Variants in CNTN5 observed in about 807,000 individuals in gnomAD.
CNTN5 encodes contactin-5.
Under a neutral mutation model 129.1 loss-of-function variants are expected in CNTN5, and 77 were observed. The ratio of observed to expected loss-of-function variants is 0.60; its 90% CI spans 0.50 to 0.72. The LOEUF is 0.72. Ranked by LOEUF, CNTN5 falls within the 30% of genes least tolerant of loss-of-function variation. The pLI, the probability that CNTN5 is intolerant of heterozygous loss-of-function variation, is 0.00. For missense variants in CNTN5, 1,478 were observed against 1,328.8 expected (o/e 1.11, Z -1.75); for synonymous variants, 509 against 465.6 (o/e 1.09, Z -1.20).
intron 21 of CNTN5, among the ~76,000 whole-genome samples, chr11:100,320,557 T>G (rs1036069605): frequency 2.0e-5 from 3 of 152,176 alleles, no homozygotes; most frequent in African/African-American, 7.2e-5. Context: ...GTAATCCCAT[T>G]TGGTTTTTTT....
intron 6 of CNTN5, among the ~76,000 whole-genome samples, chr11:99,862,746 G>C (rs1056848911): frequency 1.3e-5 from 2 of 152,042 alleles, no homozygotes; most frequent in African/African-American, 4.8e-5. Flanking sequence ...AAGGATCTTA[G>C]TAAGAGAAAA....
At chr11:99,232,056 G>C (rs1861027593) in intron 1 of CNTN5, among the ~76,000 whole-genome samples, 1 of 152,126 alleles carries the variant, frequency 6.6e-6, no homozygotes, top group Non-Finnish European at 1.5e-5. Context: ...CTGTAGCCTT[G>C]TAGTATAGTT....
intron 13 of CNTN5, among the ~76,000 whole-genome samples, chr11:100,107,871 T>C (rs1424441049): frequency 2.0e-5 from 3 of 152,122 alleles, no homozygotes; most frequent in Non-Finnish European, 2.9e-5. Flanking sequence ...CATGTGTGTG[T>C]GCTTAATATC....
intron 10 of CNTN5, among the ~76,000 whole-genome samples, chr11:100,068,345 C>T (rs574678799): frequency 1.8e-4 from 27 of 152,238 alleles, no homozygotes; most frequent in Admixed American, 1.2e-3. Flanking sequence ...GCACATGACT[C>T]TTCTTTGAGG....
At chr11:99,920,246 C>T (rs574805988) in intron 7 of CNTN5, among the ~76,000 whole-genome samples, 36 of 152,242 alleles carry the variant, frequency 2.4e-4, no homozygotes, top group Non-Finnish European at 4.3e-4. Context: ...ACTCTTTCTT[C>T]TTAATCTCCT....
intron 2 of CNTN5, among the ~76,000 whole-genome samples, chr11:99,389,455 A>G (rs1206031299): frequency 6.6e-6 from 1 of 152,220 alleles, no homozygotes; most frequent in East Asian, 1.9e-4. Flanking sequence ...ATAATAGCTC[A>G]AAAGGAGCCT....
intron 13 of CNTN5, among the ~76,000 whole-genome samples, chr11:100,174,359 G>T (rs1947902964): frequency 6.6e-6 from 1 of 152,014 alleles, no homozygotes; most frequent in African/African-American, 2.4e-5. Context: ...TCCTTCTCTG[G>T]GCATAGTAAT....
At chr11:99,961,062 G>A (rs541160371) in intron 8 of CNTN5, among the ~76,000 whole-genome samples, 168 of 151,896 alleles carry the variant, frequency 1.1e-3, no homozygotes, top group South Asian at 5.4e-3. Flanking sequence ...AAAATTAGCC[G>A]GGCATGGTGG....
chr11:99,816,577 T>C (rs1349833626), intron 3 of CNTN5, among the ~76,000 whole-genome samples: 2 of 152,188 alleles, frequency 1.3e-5, no homozygotes, highest in Non-Finnish European at 2.9e-5. Context: ...CCAATAATCT[T>C]ATTTACTATT....
At chr11:100,336,965 G>C (rs1275596991) in intron 21 of CNTN5, 2 of 723,436 alleles carry the variant, frequency 2.8e-6, no homozygotes, top group African/African-American at 3.5e-5. Context: ...AGGCAGAAAA[G>C]AAATCAAGAG....
At chr11:100,234,014 A>G (rs1949549987) in intron 16 of CNTN5, among the ~76,000 whole-genome samples, 1 of 152,204 alleles carries the variant, frequency 6.6e-6, no homozygotes, top group African/African-American at 2.4e-5. Context: ...TCAAAAGAAG[A>G]TATTTATGCA....
chr11:99,685,312 C>A (rs113062488), intron 3 of CNTN5, among the ~76,000 whole-genome samples: 2 of 151,818 alleles, frequency 1.3e-5, no homozygotes, highest in African/African-American at 4.8e-5. Flanking sequence ...AATGTGTTTA[C>A]TATTACAATT....
At chr11:99,940,953 G>A (rs959755530) in intron 7 of CNTN5, among the ~76,000 whole-genome samples, 2 of 152,048 alleles carry the variant, frequency 1.3e-5, no homozygotes, top group African/African-American at 2.4e-5. Context: ...AGGATGGCAT[G>A]TTTTGTATTA....
chr11:99,705,111 C>A (rs1954697917), intron 3 of CNTN5, among the ~76,000 whole-genome samples: 1 of 151,370 alleles, frequency 6.6e-6, no homozygotes. Flanking sequence ...GCCCACTTTA[C>A]AGCTGTCACC....
rs539001478 is a variant in CNTN5 at position 99,594,449 on chromosome 11, G to A, written c.55+38180G>A. ...TCTGTTTCTTTGCGTTTAGACCATT[G>A]TGTAAGCTCAATTCATAGCATGCAG... On this transcript the variant is annotated intron_variant, in intron 3 of 24. Transcript: ENST00000524871. Among the ~76,000 whole-genome samples the A allele has an allele frequency of 1.8e-4, 27 of 152,286 alleles. No individual in the cohort carries two copies. In the East Asian group the frequency reaches 4.6e-3, roughly 26 times the overall value.
rs771891445 is a variant in CNTN5 at position 99,437,548 on chromosome 11, C to T, written c.-71+112064C>T. On this transcript the variant is annotated intron_variant, in intron 2 of 24. Coordinates refer to ENST00000524871, the MANE Select transcript of CNTN5 (RefSeq NM_014361.4). ...ATATATTAAAAGTGATTAATTTGGG[C>T]TGGGTGTTGCGGCTCATGCCTGTAA... 2.4e-4 allele frequency among the ~76,000 whole-genome samples: 36 copies of T among 152,290 alleles called. No homozygotes were observed. In the Middle Eastern group the frequency reaches 0.017, roughly 72 times the overall value.
intron 6 of CNTN5, among the ~76,000 whole-genome samples, chr11:99,871,836 A>C (rs975720006): frequency 1.3e-5 from 2 of 152,068 alleles, no homozygotes; most frequent in African/African-American, 4.8e-5. Context: ...TGAAATTATT[A>C]GTTTGGTTGG....
intron 1 of CNTN5, among the ~76,000 whole-genome samples, chr11:99,309,467 T>A (rs1307995106): frequency 1.3e-5 from 2 of 152,232 alleles, no homozygotes; most frequent in Admixed American, 1.3e-4. Context: ...AACAAAAGAC[T>A]CTTGATTCTT....
chr11:99,512,858 G>A (rs917539947), intron 2 of CNTN5, among the ~76,000 whole-genome samples: 3 of 151,942 alleles, frequency 2.0e-5, no homozygotes, highest in South Asian at 4.1e-4. Context: ...TATTGAAATA[G>A]GCCAATGAAT....
Sources: allele counts gnomAD v4.1 joint callset (sites outside exome capture counted in the v4.1 genomes callset), GRCh38; gene constraint gnomAD v4.1.1; transcripts MANE v1.5; gene names NCBI Gene and HGNC (gene_info 2026-07-23, HGNC 2026-07-21).